The following ALPL variants were observed in gnomAD, a reference collection of about 807,000 sequenced individuals.
ALPL encodes alkaline phosphatase, biomineralization associated, also known as alkaline phosphatase, tissue-nonspecific isozyme.
In ALPL, 42 loss-of-function variants were observed where a neutral mutation model predicts 51.3. The ratio of observed to expected loss-of-function variants is 0.82; its 90% confidence interval spans 0.64 to 1.06. The LOEUF (loss-of-function observed/expected upper bound fraction) is 1.06, where lower values mean the gene tolerates loss of function less well. ALPL is among the 50% of genes least tolerant of loss of function. The probability of loss-of-function intolerance (pLI) is 0.00; values close to 1 mark genes in which losing one functional copy is unlikely to be tolerated. For synonymous variants in ALPL, 279 were observed against 296.4 expected (o/e 0.94, Z 0.60); for missense variants, 589 against 709.4 (o/e 0.83, Z 1.93).
chr1:21,576,751 G>A (rs1644743298), intron 11 of ALPL, 110 bp downstream of exon 11: 7 of 1,457,912 alleles, frequency 4.8e-6, no homozygotes, highest in Non-Finnish European at 5.7e-6. Context: ...GAATGACTGG[G>A]GCTTGAGTCC....
chr1:21,566,445 G>A (rs971127725), intron 6 of ALPL, among the ~76,000 whole-genome samples: 4 of 152,040 alleles, frequency 2.6e-5, no homozygotes, highest in South Asian at 2.1e-4. Flanking sequence ...CACCACGCCC[G>A]GCTAATTTTT....
At chr1:21,548,977 C>A (rs1644286876) in intron 1 of ALPL, among the ~76,000 whole-genome samples, 1 of 152,246 alleles carries the variant, frequency 6.6e-6, no homozygotes, top group East Asian at 1.9e-4. Context: ...GTTTTAATAC[C>A]ACTGCCACGC....
chr1:21,573,107 A>T (rs1644672403), intron 8 of ALPL, among the ~76,000 whole-genome samples: 4 of 152,190 alleles, frequency 2.6e-5, no homozygotes, highest in Non-Finnish European at 4.4e-5. Flanking sequence ...GGGCATGGTG[A>T]TCCCACCGCG....
chr1:21,548,984 A>G (rs1644286949), intron 1 of ALPL, among the ~76,000 whole-genome samples: 1 of 152,168 alleles, frequency 6.6e-6, no homozygotes, highest in Admixed American at 6.5e-5. Context: ...TACCACTGCC[A>G]CGCAGACATT....
At chr1:21,561,255 T>G (rs1644481428) in intron 4 of ALPL, 43 bp downstream of exon 4, 3 of 1,515,936 alleles carry the variant, frequency 2.0e-6, no homozygotes, top group Non-Finnish European at 2.7e-6. Context: ...GTATATCCAG[T>G]ATCCAGGTCG....
In ALPL at chr1:21,574,133, T is replaced by C. The variant is rs377724919; in HGVS notation, c.997+334T>C. 3.0e-6 allele frequency: 3 copies of C among 985,394 alleles called. No individual in the cohort carries two copies. The African/African-American group carries it at 5.2e-5, about 17-fold the overall frequency. 61.0% of individuals were successfully genotyped at this position (985,394 alleles called of 1,614,324 possible). ...CAGCCTCACTGCCCAGAAAAGCAAA[T>C]CCGCAGGCCCCGGCTTTCCCACGCT... On this transcript the variant is annotated intron_variant, in intron 9 of 11. Transcript: ENST00000374840.
rs1479399330 is a variant in ALPL, at chr1:21,554,807, GTCTGTCTGTCTTTCTTTCTT to G, written c.61+669_61+688del. Reference sequence around the variant, plus strand: ...GCCTGGCCTGTCTGTCTGTCTGTCTGTCTGTCTGTCTTTCTTTCTTTCTTTCTTTCTTTCTTTCTTTCTTT... The same window carrying G: ...GCCTGGCCTGTCTGTCTGTCTGTCTGTCTTTCTTTCTTTCTTTCTTTCTTT... On this transcript the variant is annotated intron_variant, in intron 2 of 11. Transcript: ENST00000374840. 2.5e-3 allele frequency among the ~76,000 whole-genome samples: 71 copies of G among 28,226 alleles called. 1 individual carries two copies. Among genetic ancestry groups the G allele is most frequent in the Admixed American group, 3.2e-3 (8 of 2,486 alleles). 18.5% of individuals were successfully genotyped at this position (28,226 alleles called of 152,430 possible). A position where few individuals can be genotyped will look rare whatever the true frequency, so the allele number is the denominator to read the frequency against.
intron 6 of ALPL, among the ~76,000 whole-genome samples, chr1:21,567,345 C>T (rs1383874997): frequency 1.3e-5 from 2 of 152,062 alleles, no homozygotes; most frequent in African/African-American, 4.8e-5. Flanking sequence ...CAAACATGGA[C>T]TCCCAAGGAA....
intron 2 of ALPL, among the ~76,000 whole-genome samples, chr1:21,560,206 A>G (rs1431235864): frequency 6.6e-6 from 1 of 152,242 alleles, no homozygotes; most frequent in East Asian, 1.9e-4. Flanking sequence ...TTCTGCTGGA[A>G]GGAGTTTGTT....
rs1437392537 is a variant in ALPL, at chr1:21,564,258, G to A, written c.648+42G>A. On this transcript the variant is annotated intron_variant, in intron 6 of 11. Transcript: ENST00000374840. The surrounding 1 kb of genome is among the most constrained non-coding windows in gnomAD (Gnocchi z 5.8). ...AGCCGGGCAGGGACGGGGTGAGGCG[G>A]GGCCTCTGGTGGGCAGGAGGCCTCA... is the stretch of plus-strand genomic sequence containing the variant. The A allele has an allele frequency of 1.2e-6, 2 of 1,608,100 alleles. No individual in the cohort carries two copies. Among genetic ancestry groups the A allele is most frequent in the Admixed American group, 1.7e-5 (1 of 59,926 alleles).
chr1:21,561,343 G>C, intron 4 of ALPL, 131 bp downstream of exon 4: 1 of 762,486 alleles, frequency 1.3e-6, no homozygotes, highest in Non-Finnish European at 2.3e-6. Flanking sequence ...TCCCCACCTG[G>C]AGCAGCCACT....
In ALPL at chr1:21,564,080, A is replaced by G. The variant is rs778232217; in HGVS notation, c.512A>G (p.His171Arg). Reference sequence around the variant, plus strand: ...ATTGTGACCACCACGAGAGTGAACCATGCCACCCCCAGCGCCGCCTACGCC... The same window carrying G: ...ATTGTGACCACCACGAGAGTGAACCGTGCCACCCCCAGCGCCGCCTACGCC... Reference protein sequence around the residue: ...VGIVTTTRVNHATPSAAYAHS... With the variant: ...VGIVTTTRVNRATPSAAYAHS... Residue 171 changes from histidine (H) to arginine (R), a missense_variant, in exon 6 of 12, where the codon CAT (histidine) becomes CGT (arginine). Coordinates refer to ENST00000374840, the MANE Select transcript of ALPL (RefSeq NM_000478.6). This position sits in a 1 kb window ranked among gnomAD's most constrained non-coding sequence, Gnocchi z 5.8. The G allele has an allele frequency of 1.9e-6, 3 of 1,614,010 alleles. No individual in the cohort carries two copies. Among genetic ancestry groups the G allele is most frequent in the South Asian group, 1.1e-5 (1 of 91,078 alleles).
At chr1:21,570,539 G>C (rs988985256) in intron 8 of ALPL, among the ~76,000 whole-genome samples, 165 bp downstream of exon 8, 5 of 152,208 alleles carry the variant, frequency 3.3e-5, no homozygotes, top group Non-Finnish European at 7.3e-5. Flanking sequence ...TCTGGTTCCT[G>C]GAATTAGGCC....
At chr1:21,546,528 T>C (rs1266421445) in intron 1 of ALPL, among the ~76,000 whole-genome samples, 2 of 152,178 alleles carry the variant, frequency 1.3e-5, no homozygotes, top group African/African-American at 4.8e-5. Context: ...TTAGGAGAGA[T>C]TGGATCTGGG....
intron 1 of ALPL, among the ~76,000 whole-genome samples, chr1:21,534,017 A>G (rs955562006): frequency 1.1e-4 from 16 of 151,964 alleles, no homozygotes; most frequent in African/African-American, 3.9e-4. Flanking sequence ...AAGCACAGTG[A>G]GAAGTCTCCC....
intron 5 of ALPL, 117 bp from the exon 6 acceptor site, chr1:21,563,924 C>A (rs1398485691): frequency 8.3e-6 from 11 of 1,330,914 alleles, no homozygotes; most frequent in Middle Eastern, 2.4e-4. Context: ...GAGACCCGGG[C>A]AATCCTCAGA....
chr1:21,543,297 C>G (rs1488869463), intron 1 of ALPL, among the ~76,000 whole-genome samples: 1 of 152,154 alleles, frequency 6.6e-6, no homozygotes, highest in Non-Finnish European at 1.5e-5. Context: ...TCCACTAAAC[C>G]CTTTTTTTCC....
chr1:21,529,896 T>G (rs1644005505), intron 1 of ALPL, among the ~76,000 whole-genome samples: 1 of 152,114 alleles, frequency 6.6e-6, no homozygotes, highest in Non-Finnish European at 1.5e-5. Context: ...TTCAGCCTCC[T>G]GAGTAACTGG....
chr1:21,545,210 T>G (rs1558538755), intron 1 of ALPL, among the ~76,000 whole-genome samples: 1 of 152,030 alleles, frequency 6.6e-6, no homozygotes, highest in African/African-American at 2.4e-5. Context: ...CATTGTAAAC[T>G]ATAAGAAATA....
Sources: gnomAD v4.1 joint callset for allele counts (sites outside exome capture counted in the v4.1 genomes callset) on GRCh38, gnomAD v4.1.1 for gene constraint, Gnocchi (gnomAD v3.1) non-coding constraint, MANE v1.5 for transcripts, NCBI Gene and HGNC (gene_info 2026-07-23, HGNC 2026-07-21) for gene names.